Variants in SNX31 observed in about 807,000 individuals in gnomAD.
SNX31 encodes sorting nexin 31, also known as sorting nexin-31.
SNX31 carries 58 observed loss-of-function variants against 65.4 expected under a neutral mutation model. The observed-to-expected ratio is 0.89, with a 90% CI of 0.72 to 1.10. The LOEUF is 1.10. SNX31 is among the 50% of genes least tolerant of loss of function. SNX31 has a pLI of 0.00. For missense variants in SNX31, 523 were observed against 529.7 expected (o/e 0.99, Z 0.12); for synonymous variants, 181 against 190.1 (o/e 0.95, Z 0.39).
At chr8:100,658,840 G>A (rs1367842281) in intron 1 of SNX31, among the ~76,000 whole-genome samples, 2 of 152,106 alleles carry the variant, frequency 1.3e-5, no homozygotes, top group Non-Finnish European at 2.9e-5. Flanking sequence ...CTTGGTTAGG[G>A]GTGAACCAAT....
chr8:100,656,052 G>A (rs1820048312), intron 1 of SNX31, among the ~76,000 whole-genome samples: 1 of 152,168 alleles, frequency 6.6e-6, no homozygotes, highest in South Asian at 2.1e-4. Flanking sequence ...TTCACAAAGT[G>A]CTTTAGTGTA....
At chr8:100,649,720 C>T, upstream of SNX31, 1 of 473,094 alleles carries the variant, frequency 2.1e-6, no homozygotes. Context: ...CCCATCCAGC[C>T]CCGCCGCTCT....
rs758568753 is a variant in SNX31 at position 100,635,975 on chromosome 8, G to T, written c.178C>A (p.Pro60Thr). Residue 60 changes from proline to threonine, a missense_variant, in exon 3 of 14, where the codon CCA (proline) becomes ACA (threonine). Physicochemically the swap from Pro to Thr is conservative, Grantham distance 38 (BLOSUM62 -1). Coordinates refer to ENST00000311812, the MANE Select transcript of SNX31 (RefSeq NM_152628.4). ...RVFGNCLPPF[P>T]PKYYLAMTTA... ...GTCATTGCCAGATAGTACTTTGGTGGGAAGGGTGGCAGGCAATTTCCAAAG... is the reference window on the plus strand; with the variant it reads ...GTCATTGCCAGATAGTACTTTGGTGTGAAGGGTGGCAGGCAATTTCCAAAG... The T allele has an allele frequency of 1.2e-6, 2 of 1,614,024 alleles. No homozygotes were observed. Among genetic ancestry groups the T allele is most frequent in the Non-Finnish European group, 1.7e-6 (2 of 1,180,014 alleles).
At chr8:100,599,177 G>A (rs944703475) in intron 9 of SNX31, among the ~76,000 whole-genome samples, 2 of 152,040 alleles carry the variant, frequency 1.3e-5, no homozygotes, top group African/African-American at 2.4e-5. Context: ...TTTTAAAATA[G>A]CATTATTACA....
At chr8:100,600,910 A>G (rs1309586214) in intron 8 of SNX31, among the ~76,000 whole-genome samples, 1 of 152,200 alleles carries the variant, frequency 6.6e-6, no homozygotes, top group Non-Finnish European at 1.5e-5. Flanking sequence ...AAAACAAGGA[A>G]AATGATTGCA....
At chr8:100,617,764 C>CA in intron 4 of SNX31, 34 bp from the exon 5 acceptor site, 1 of 1,508,940 alleles carries the variant, frequency 6.6e-7, no homozygotes, top group Non-Finnish European at 9.0e-7. Flanking sequence ...TAAATTTCCA[C>CA]ACCTTTTTTT....
intron 5 of SNX31, among the ~76,000 whole-genome samples, chr8:100,615,825 A>T (rs533221782): frequency 2.0e-5 from 3 of 152,212 alleles, no homozygotes; most frequent in East Asian, 1.9e-4. Context: ...GCTGGAGTGC[A>T]GTGGCGCGAT....
At chr8:100,587,464 C>T (rs1420804024) in intron 11 of SNX31, among the ~76,000 whole-genome samples, 1 of 152,150 alleles carries the variant, frequency 6.6e-6, no homozygotes, top group Admixed American at 6.5e-5. Flanking sequence ...TACAGGTATT[C>T]CAGTGATGCT....
At chr8:100,639,918 A>T (rs917996993) in intron 2 of SNX31, among the ~76,000 whole-genome samples, 4 of 152,148 alleles carry the variant, frequency 2.6e-5, no homozygotes, top group Non-Finnish European at 5.9e-5. Flanking sequence ...TGAAAAAAAC[A>T]AATCAGGAAT....
rs768714908 is a variant in SNX31 at position 100,609,540 on chromosome 8, G to A, written c.612-977C>T. On this transcript the variant is annotated intron_variant, in intron 7 of 13. Transcript: ENST00000311812. This position sits in a 1 kb window ranked among gnomAD's most constrained non-coding sequence, Gnocchi z 4.9. ...TCACGAGGAACTGAAATTAATGACT[G>A]TAGAAGCACAGTAGCATGTTAAGAA... 3.3e-5 allele frequency among the ~76,000 whole-genome samples: 5 copies of A among 152,158 alleles called. No homozygotes were observed. The highest frequency in any genetic ancestry group is 5.9e-5 in the Non-Finnish European group (4 of 68,034).
At chr8:100,640,270 G>A (rs1353448967) in intron 2 of SNX31, among the ~76,000 whole-genome samples, 1 of 152,170 alleles carries the variant, frequency 6.6e-6, no homozygotes, top group Non-Finnish European at 1.5e-5. Flanking sequence ...GGGATTACAG[G>A]CATGTGCCAC....
rs187721354 is a variant in SNX31 at position 100,596,953 on chromosome 8, T to G, written c.775-111A>C. The G allele has an allele frequency of 2.2e-3, 1,957 of 874,266 alleles. 7 individuals are homozygous for G. Among genetic ancestry groups the G allele is most frequent in the Non-Finnish European group, 3.2e-3 (1,742 of 538,680 alleles). 54.2% of individuals were successfully genotyped at this position (874,266 alleles called of 1,614,324 possible). On this transcript the variant is annotated intron_variant, in intron 9 of 13. Transcript: ENST00000311812. Reference sequence around the variant, plus strand: ...GCTACTGCCATTCTAGGATAATACATGGAACTGAGTCACAGTGAAAGCTCC... The same window carrying G: ...GCTACTGCCATTCTAGGATAATACAGGGAACTGAGTCACAGTGAAAGCTCC...
chr8:100,579,979 G>A (rs1486316673), intron 12 of SNX31, among the ~76,000 whole-genome samples: 2 of 151,774 alleles, frequency 1.3e-5, no homozygotes, highest in Admixed American at 1.3e-4. Context: ...GGGCAACATA[G>A]TGAGACCCCT....
intron 3 of SNX31, among the ~76,000 whole-genome samples, chr8:100,632,171 C>T (rs946385681): frequency 2.6e-5 from 4 of 152,100 alleles, no homozygotes; most frequent in African/African-American, 4.8e-5. Flanking sequence ...CCTACTGGAC[C>T]TTGTCAAAGA....
upstream of SNX31, chr8:100,649,793 C>A: frequency 2.5e-6 from 1 of 397,044 alleles, no homozygotes; most frequent in Admixed American, 4.7e-5. Context: ...CCCCGGACAT[C>A]GGCCACTGTT....
intron 1 of SNX31, among the ~76,000 whole-genome samples, chr8:100,661,693 AG>A (rs1456400893): frequency 1.3e-3 from 126 of 96,226 alleles, no homozygotes; most frequent in African/African-American, 6.5e-3. Flanking sequence ...ACACACGGCC[AG>A]TTTTTTTTTT....
chr8:100,605,284 G>A lies in SNX31; in HGVS notation c.681+3210C>T, dbSNP rs538388071. 5.9e-5 allele frequency among the ~76,000 whole-genome samples: 9 copies of A among 152,276 alleles called. No individual in the cohort carries two copies. In the South Asian group the frequency reaches 1.9e-3, roughly 32 times the overall value. On this transcript the variant is annotated intron_variant, in intron 8 of 13. Coordinates refer to ENST00000311812, the MANE Select transcript of SNX31 (RefSeq NM_152628.4). Reference sequence around the variant, plus strand: ...GCCCTTGGCCATTCAGAGTCTGGTTGGGAGAAGTGGGAGGAAGGTAGGAAT... The same window carrying A: ...GCCCTTGGCCATTCAGAGTCTGGTTAGGAGAAGTGGGAGGAAGGTAGGAAT...
Position 100,573,779 on chromosome 8 carries a change from G to T in SNX31, c.*86C>A. The T allele has an allele frequency of 4.6e-6, 4 of 869,222 alleles. No homozygotes were observed. Among genetic ancestry groups the T allele is most frequent in the South Asian group, 1.9e-5 (1 of 53,010 alleles). The allele number at this position is 869,222 out of a possible 1,614,324, so 53.8% of individuals were successfully genotyped here. A position where few individuals can be genotyped will look rare whatever the true frequency, so the allele number is the denominator to read the frequency against. Reference sequence around the variant, plus strand: ...GGGAAGAGGTCAAATTTCCTCCACTGATGGTAGGTAGCCCACCTGAATCCC... The same window carrying T: ...GGGAAGAGGTCAAATTTCCTCCACTTATGGTAGGTAGCCCACCTGAATCCC... On this transcript the variant is annotated 3_prime_UTR_variant, in exon 14 of 14. Transcript: ENST00000311812.
In SNX31 at chr8:100,618,435, A is replaced by G. The variant is rs143247256; in HGVS notation, c.322-705T>C. On this transcript the variant is annotated intron_variant, in intron 4 of 13. Transcript: ENST00000311812. ...GGAAGGTGTTTCCATGTAGCAACCA[A>G]TTCTCCAGTTCTTGAACATCACAAT... 1.7e-3 allele frequency: 1,482 copies of G among 869,002 alleles called. 4 individuals are homozygous for G. Among genetic ancestry groups the G allele is most frequent in the Non-Finnish European group, 2.3e-3 (1,267 of 549,036 alleles). The allele number at this position is 869,002 out of a possible 1,614,324, so 53.8% of individuals were successfully genotyped here.
Sources: gnomAD v4.1 joint callset for allele counts (sites outside exome capture counted in the v4.1 genomes callset) on GRCh38, gnomAD v4.1.1 for gene constraint, Gnocchi (gnomAD v3.1) non-coding constraint, MANE v1.5 for transcripts, NCBI Gene and HGNC (gene_info 2026-07-23, HGNC 2026-07-21) for gene names.